The following KHDRBS2 variants were observed in gnomAD, a reference collection of about 807,000 sequenced individuals.
KHDRBS2 encodes KH RNA binding domain containing, signal transduction associated 2.
KHDRBS2 carries 26 observed loss-of-function variants against 44.3 expected under a neutral mutation model. The observed-to-expected ratio is 0.59, with a 90% confidence interval of 0.43 to 0.81. The LOEUF is 0.81. KHDRBS2 is among the 40% of genes least tolerant of loss of function. The probability of loss-of-function intolerance (pLI) is 0.00; values close to 1 mark genes in which losing one functional copy is unlikely to be tolerated. For synonymous variants in KHDRBS2, 194 were observed against 151.1 expected, an observed-to-expected ratio of 1.28 and a Z score of -2.08; for missense variants, 476 against 433.1, an observed-to-expected ratio of 1.10 and a Z score of -0.88.
intron 6 of KHDRBS2, among the ~76,000 whole-genome samples, chr6:61,810,061 T>C (rs1477620557): frequency 1.3e-5 from 2 of 152,090 alleles, no homozygotes; most frequent in African/African-American, 2.4e-5. Flanking sequence ...CCAGAATCAC[T>C]GAATTGGACA....
In KHDRBS2 at chr6:61,756,674, A is replaced by G. The variant is rs191636980; in HGVS notation, c.811-23910T>C. Reference sequence around the variant, plus strand: ...CAGCAGTGCATTTTGCTAAATGGTTAGACTTGAAAACAAAATAGTTTAACT... The same window carrying G: ...CAGCAGTGCATTTTGCTAAATGGTTGGACTTGAAAACAAAATAGTTTAACT... On this transcript the variant is annotated intron_variant, in intron 6 of 8. Transcript: ENST00000281156. 1.2e-3 allele frequency among the ~76,000 whole-genome samples: 184 copies of G among 152,360 alleles called. 1 individual carries two copies. The highest frequency in any genetic ancestry group is 4.1e-3 in the African/African-American group (172 of 41,592).
chr6:62,015,812 T>A (rs982760836), intron 3 of KHDRBS2, among the ~76,000 whole-genome samples: 2 of 152,224 alleles, frequency 1.3e-5, no homozygotes, highest in Non-Finnish European at 2.9e-5. Flanking sequence ...ATGGATTTCA[T>A]GTTATTTCTG....
At chr6:61,611,290 T>C in the KHDRBS2 span, among the ~76,000 whole-genome samples, 80 of 152,308 alleles carry the variant, frequency 5.3e-4, no homozygotes, top group African/African-American at 1.9e-3. Context: ...GGCTATTGCA[T>C]ATACTGGTAT....
chr6:61,761,714 C>A (rs1406304564), intron 6 of KHDRBS2, among the ~76,000 whole-genome samples: 2 of 152,006 alleles, frequency 1.3e-5, no homozygotes, highest in African/African-American at 2.4e-5. Flanking sequence ...TCAGATTAAC[C>A]CTTATTTGAA....
intron 2 of KHDRBS2, among the ~76,000 whole-genome samples, chr6:62,074,743 T>C (rs915029159): frequency 2.6e-5 from 4 of 151,902 alleles, no homozygotes; most frequent in African/African-American, 9.7e-5. Context: ...TTTACCTCCT[T>C]CTATAACTGC....
At chr6:61,851,878 A>G (rs1402344093) in intron 6 of KHDRBS2, among the ~76,000 whole-genome samples, 2 of 152,332 alleles carry the variant, frequency 1.3e-5, no homozygotes, top group African/African-American at 4.8e-5. Context: ...TTATAGAATA[A>G]CTGAAATCAC....
chr6:62,020,540 G>T (rs1782069610), intron 3 of KHDRBS2, among the ~76,000 whole-genome samples: 1 of 151,764 alleles, frequency 6.6e-6, no homozygotes, highest in South Asian at 2.1e-4. Flanking sequence ...CTGATGGAGG[G>T]CATTTCTCAG....
intron 6 of KHDRBS2, among the ~76,000 whole-genome samples, chr6:61,881,921 T>C (rs1800263770): frequency 2.0e-5 from 3 of 152,026 alleles, no homozygotes; most frequent in Admixed American, 2.0e-4. Flanking sequence ...ATTGTAGCTA[T>C]ATTATTTAAT....
At chr6:61,662,083 A>G in the KHDRBS2 span, among the ~76,000 whole-genome samples, 2 of 152,158 alleles carry the variant, frequency 1.3e-5, no homozygotes, top group African/African-American at 2.4e-5. Flanking sequence ...GAGCCCTCAG[A>G]AATAATGCTG....
intron 6 of KHDRBS2, among the ~76,000 whole-genome samples, chr6:61,763,097 C>G (rs910247553): frequency 6.6e-6 from 1 of 152,092 alleles, no homozygotes; most frequent in African/African-American, 2.4e-5. Context: ...TCCAATTGCC[C>G]AATTCCCATC....
At chr6:62,110,960 ATTTGTT>A (rs749793525) in intron 2 of KHDRBS2, among the ~76,000 whole-genome samples, 11 of 152,064 alleles carry the variant, frequency 7.2e-5, no homozygotes, top group Admixed American at 2.0e-4. Context: ...AAAATTTAGA[ATTTGTT>A]TTTAAGTATA....
intron 6 of KHDRBS2, among the ~76,000 whole-genome samples, chr6:61,850,443 G>A (rs755401690): frequency 2.6e-5 from 4 of 152,060 alleles, no homozygotes; most frequent in East Asian, 1.9e-4. Flanking sequence ...TAATTAGCAC[G>A]GAGAAAGTTA....
chr6:61,880,351 C>A (rs1231255002), intron 6 of KHDRBS2, among the ~76,000 whole-genome samples: 1 of 151,820 alleles, frequency 6.6e-6, no homozygotes, highest in African/African-American at 2.4e-5. Context: ...GAGGAGATTG[C>A]ATTCTGGAAG....
intron 7 of KHDRBS2, among the ~76,000 whole-genome samples, chr6:61,728,275 T>A (rs963466199): frequency 3.3e-5 from 5 of 150,916 alleles, no homozygotes; most frequent in African/African-American, 1.2e-4. Context: ...CAAGACACAC[T>A]GGGGCCTCTT....
At chr6:62,110,523 C>A (rs1804753555) in intron 2 of KHDRBS2, among the ~76,000 whole-genome samples, 2 of 151,978 alleles carry the variant, frequency 1.3e-5, no homozygotes, top group African/African-American at 2.4e-5. Flanking sequence ...AAAGAAGTGA[C>A]CTATTTACAC....
intron 2 of KHDRBS2, among the ~76,000 whole-genome samples, chr6:62,073,313 T>C: frequency 6.6e-6 from 1 of 151,674 alleles, no homozygotes; most frequent in East Asian, 2.0e-4. Flanking sequence ...TAACAACTTT[T>C]CATCTCATCT....
intron 2 of KHDRBS2, among the ~76,000 whole-genome samples, chr6:62,122,719 A>AACTGCAC (rs1274735141): frequency 8.0e-6 from 1 of 125,588 alleles, no homozygotes; most frequent in Non-Finnish European, 1.7e-5. Flanking sequence ...ACCACCTGAA[A>AACTGCAC]GTGGACAGCT....
At chr6:62,154,401 G>A (rs1330903412) in intron 2 of KHDRBS2, among the ~76,000 whole-genome samples, 1 of 152,116 alleles carries the variant, frequency 6.6e-6, no homozygotes. Flanking sequence ...CTTCACCAAA[G>A]TGATTTTATA....
chr6:62,199,442 T>C (rs1826434474), intron 1 of KHDRBS2, among the ~76,000 whole-genome samples: 1 of 151,240 alleles, frequency 6.6e-6, no homozygotes. Context: ...TATACATCAA[T>C]AACAGACAGA....
Sources: allele counts gnomAD v4.1 joint callset (sites outside exome capture counted in the v4.1 genomes callset), GRCh38; gene constraint gnomAD v4.1.1; transcripts MANE v1.5; gene names NCBI Gene and HGNC (gene_info 2026-07-23, HGNC 2026-07-21).